DCBLD1: variants seen among roughly 807,000 people sequenced by gnomAD.
DCBLD1 encodes the protein discoidin, CUB and LCCL domain-containing protein 1.
DCBLD1 carries 57 observed loss-of-function variants against 71.5 expected under a neutral mutation model. That is an observed-to-expected ratio of 0.80 (90% CI 0.64 to 0.99). DCBLD1 has a LOEUF of 0.99. Among genes scored for constraint, DCBLD1 ranks in the 50% least tolerant of loss-of-function variants. The pLI is 0.00. For synonymous variants in DCBLD1, 380 were observed against 363.8 expected, an observed-to-expected ratio of 1.04 and a Z score of -0.51; for missense variants, 891 against 923.5, an observed-to-expected ratio of 0.96 and a Z score of 0.46.
intron 14 of DCBLD1, among the ~76,000 whole-genome samples, chr6:117,558,268 G>T (rs1408211210): frequency 6.6e-6 from 1 of 152,112 alleles, no homozygotes; most frequent in African/African-American, 2.4e-5. Flanking sequence ...AGGAGGTAAG[G>T]CCTCCTTGGG....
In DCBLD1 at chr6:117,548,682, A is replaced by G. The variant is rs1779362015; in HGVS notation, c.*243A>G. The G allele has an allele frequency of 2.1e-6, 3 of 1,408,366 alleles. No individual in the cohort carries two copies. The highest frequency in any genetic ancestry group is 6.3e-5 in the Admixed American group (2 of 31,512). The allele number at this position is 1,408,366 out of a possible 1,614,324, so 87.2% of individuals were successfully genotyped here. ...GTTTTGTTGGGCTAGAAAAATGAAA[A>G]TTTTCAGATGGCGTTTTCATTCCTC... On this transcript the variant is annotated 3_prime_UTR_variant, in exon 15 of 15. Coordinates refer to ENST00000338728, the MANE Select transcript of DCBLD1 (RefSeq NM_001366458.2).
rs555095744 is a variant in DCBLD1, at chr6:117,556,857, C to T, written c.1615+11260C>T. On this transcript the variant is annotated intron_variant, in intron 14 of 14. Coordinates refer to the DCBLD1 transcript ENST00000296955. ...TTCCCACCAACGGTGTAAGTGCTCC[C>T]TTTACTCTGTAGCCTCCCCAACATC... Among the ~76,000 whole-genome samples, 7 of 152,288 alleles carry T rather than the reference C, an allele frequency of 4.6e-5. No homozygotes were observed. In the East Asian group the frequency reaches 1.4e-3, roughly 29 times the overall value.
intron 2 of DCBLD1, among the ~76,000 whole-genome samples, chr6:117,511,017 T>C (rs761589560): frequency 4.6e-5 from 7 of 152,150 alleles, no homozygotes; most frequent in Admixed American, 1.3e-4. Context: ...CCAACTAACA[T>C]GCTTGTAAGA....
At chr6:117,555,022 A>T (rs1779479184) in intron 14 of DCBLD1, among the ~76,000 whole-genome samples, 1 of 152,190 alleles carries the variant, frequency 6.6e-6, no homozygotes, top group Non-Finnish European at 1.5e-5. Context: ...GCTAGGCATT[A>T]GAATTAGCTG....
intron 2 of DCBLD1, chr6:117,508,095 C>G (rs1030052349): frequency 6.6e-6 from 1 of 152,064 alleles, no homozygotes; most frequent in Non-Finnish European, 1.5e-5. Context: ...TTTGAAAGGA[C>G]TCAAATATAA....
intron 14 of DCBLD1, among the ~76,000 whole-genome samples, chr6:117,558,286 C>T (rs1311712486): frequency 6.6e-6 from 1 of 152,180 alleles, no homozygotes; most frequent in Non-Finnish European, 1.5e-5. Context: ...GGGAGCTGCC[C>T]CCCTCCATCC....
At chr6:117,529,749 G>A (rs1399379924) in intron 5 of DCBLD1, among the ~76,000 whole-genome samples, 29 of 152,152 alleles carry the variant, frequency 1.9e-4, no homozygotes, top group Non-Finnish European at 1.9e-4. Flanking sequence ...AGACTTGATG[G>A]CTAGTCTTTT....
chr6:117,496,020 A>G (rs751046925), intron 1 of DCBLD1, among the ~76,000 whole-genome samples: 2 of 152,196 alleles, frequency 1.3e-5, no homozygotes, highest in Non-Finnish European at 2.9e-5. Context: ...GCTGATAGGA[A>G]TGTTGAAAGT....
intron 1 of DCBLD1, among the ~76,000 whole-genome samples, chr6:117,503,351 T>C (rs1355938341): frequency 6.6e-6 from 1 of 152,236 alleles, no homozygotes; most frequent in African/African-American, 2.4e-5. Flanking sequence ...CTGTACATTA[T>C]CTCATTTAAT....
chr6:117,563,153 C>A (rs1779620325), intron 14 of DCBLD1: 1 of 1,126,204 alleles, frequency 8.9e-7, no homozygotes. Flanking sequence ...ATTTAGGCAA[C>A]AAACAGCCTC....
At chr6:117,525,257 G>T in intron 4 of DCBLD1, 105 bp from the exon 5 acceptor site, 2 of 796,570 alleles carry the variant, frequency 2.5e-6, no homozygotes. Flanking sequence ...ATTAAAGCAA[G>T]ATATTATATG....
intron 2 of DCBLD1, among the ~76,000 whole-genome samples, chr6:117,506,317 C>G (rs1249467295): frequency 6.6e-6 from 1 of 152,086 alleles, no homozygotes; most frequent in African/African-American, 2.4e-5. Flanking sequence ...CTGCAAGACA[C>G]CTACTCCCAC....
chr6:117,521,255 G>GT (rs1778374879), intron 3 of DCBLD1, among the ~76,000 whole-genome samples: 4 of 152,000 alleles, frequency 2.6e-5, no homozygotes, highest in African/African-American at 9.7e-5. Context: ...AAAGAGTATT[G>GT]TTTTTTTCTG....
rs1444178451 is a variant in DCBLD1 at position 117,549,146 on chromosome 6, G to T, written c.*707G>T. The stretch of plus-strand genomic sequence containing the variant: ...CCACTTCAGAGGGGGATGCGAAGAG[G>T]TCGGCCCAGCTCCGGTGACCATGAA... On this transcript the variant is annotated 3_prime_UTR_variant, in exon 15 of 15. Transcript: ENST00000338728. 1 of 985,442 alleles carries T rather than the reference G, an allele frequency of 1.0e-6. No homozygotes were observed. The highest frequency in any genetic ancestry group is 1.7e-5 in the African/African-American group (1 of 57,226). 61.0% of individuals were successfully genotyped at this position (985,442 alleles called of 1,614,324 possible). A position where few individuals can be genotyped will look rare whatever the true frequency, so the allele number is the denominator to read the frequency against.
At position 117,515,042 on chromosome 6, in the gene DCBLD1, C is replaced by T. The variant is rs372028409; in HGVS notation, c.326-4774C>T. Among the ~76,000 whole-genome samples the T allele has an allele frequency of 3.5e-3, 472 of 133,900 alleles. 3 individuals carry two copies. Among genetic ancestry groups the T allele is most frequent in the African/African-American group, 0.012 (429 of 35,752 alleles). The allele number at this position is 133,900 out of a possible 152,430, so 87.8% of individuals were successfully genotyped here. A position where few individuals can be genotyped will look rare whatever the true frequency, so the allele number is the denominator to read the frequency against. On this transcript the variant is annotated intron_variant, in intron 2 of 14. Transcript: ENST00000338728. ...TGGGTTTTTTTTTTTTTTTTTGAGA[C>T]GGAGTCTTGTTCTATCACCCAGGCT...
chr6:117,563,492 T>C, intron 14 of DCBLD1: 5 of 1,010,678 alleles, frequency 4.9e-6, no homozygotes, highest in Non-Finnish European at 7.5e-6. Context: ...GAGGCCAAGG[T>C]GGGTGGATAA....
intron 7 of DCBLD1, among the ~76,000 whole-genome samples, chr6:117,537,596 C>A: frequency 6.9e-6 from 1 of 145,652 alleles, no homozygotes; most frequent in Admixed American, 6.9e-5. Flanking sequence ...CCTCCATACC[C>A]TTCAGATTAT....
At chr6:117,519,229 A>G (rs996600110) in intron 2 of DCBLD1, among the ~76,000 whole-genome samples, 1 of 152,180 alleles carries the variant, frequency 6.6e-6, no homozygotes, top group African/African-American at 2.4e-5. Flanking sequence ...TATACCCTTA[A>G]TTGTATAATT....
rs1354547208 is a variant in DCBLD1, at chr6:117,537,230, G to A, written c.760+5G>A. On this transcript the variant is annotated splice_donor_5th_base_variant and intron_variant, in intron 7 of 14. Coordinates refer to ENST00000338728, the MANE Select transcript of DCBLD1 (RefSeq NM_001366458.2). ...GATTTCTGTTTACCTCCAATGGTAA[G>A]GATCATGCTTTCCTTAAGAATTTGA... 1 of 1,613,822 alleles carries A rather than the reference G, an allele frequency of 6.2e-7. No individual in the cohort carries two copies. The highest frequency in any genetic ancestry group is 2.2e-5 in the East Asian group (1 of 44,874).
Sources: gnomAD v4.1 joint callset for allele counts (sites outside exome capture counted in the v4.1 genomes callset) on GRCh38, gnomAD v4.1.1 for gene constraint, MANE v1.5 for transcripts, NCBI Gene and HGNC (gene_info 2026-07-23, HGNC 2026-07-21) for gene names.